The following PEMT variants were observed in gnomAD, a reference collection of about 807,000 sequenced individuals.
PEMT encodes the protein phospholipid methyltransferase.
Under a neutral mutation model 27.4 loss-of-function variants are expected in PEMT, and 23 were observed. The observed-to-expected ratio is 0.84, with a 90% CI of 0.60 to 1.19. PEMT has a LOEUF of 1.19. Among genes scored for constraint, PEMT ranks in the 50% most tolerant of loss-of-function variants. The pLI, the probability that PEMT is intolerant of heterozygous loss-of-function variation, is 0.00. For synonymous variants in PEMT, 137 were observed against 139.1 expected (o/e 0.98, Z 0.11); for missense variants, 307 against 310.1 (o/e 0.99, Z 0.07).
At chr17:17,591,720 G>T (rs1019247849), upstream of PEMT, 53 of 1,495,448 alleles carry the variant, frequency 3.5e-5, no homozygotes, top group Admixed American at 4.8e-5. Flanking sequence ...CCGCCAGTCG[G>T]GGCGCTTTCC....
intron 6 of PEMT, 70 bp downstream of exon 6, chr17:17,506,157 G>A: frequency 7.7e-7 from 1 of 1,297,814 alleles, no homozygotes; most frequent in African/African-American, 1.5e-5. Flanking sequence ...TGGCCACAAG[G>A]AAAGGTTCTA....
At chr17:17,573,925 G>T (rs1379460506) in intron 2 of PEMT, among the ~76,000 whole-genome samples, 1 of 152,058 alleles carries the variant, frequency 6.6e-6, no homozygotes, top group African/African-American at 2.4e-5. Context: ...GGGACTACAG[G>T]TGCACACCAC....
intron 2 of PEMT, among the ~76,000 whole-genome samples, chr17:17,563,020 A>AGT (rs1910598872): frequency 6.6e-6 from 1 of 152,102 alleles, no homozygotes; most frequent in Non-Finnish European, 1.5e-5. Context: ...GGAGGCCTCA[A>AGT]GTGGCTGCTG....
intron 2 of PEMT, among the ~76,000 whole-genome samples, chr17:17,538,965 A>G (rs929978043): frequency 1.3e-5 from 2 of 152,226 alleles, no homozygotes; most frequent in African/African-American, 4.8e-5. Context: ...CACCATCATC[A>G]ACGCCCATGT....
At chr17:17,580,408 C>T (rs960657624) in intron 1 of PEMT, among the ~76,000 whole-genome samples, 1 of 151,916 alleles carries the variant, frequency 6.6e-6, no homozygotes, top group Non-Finnish European at 1.5e-5. Context: ...ACCTGGGAGG[C>T]GGAGGTTGCA....
intron 1 of PEMT, among the ~76,000 whole-genome samples, chr17:17,587,110 C>A (rs1165016892): frequency 1.3e-5 from 2 of 151,316 alleles, no homozygotes; most frequent in African/African-American, 2.4e-5. Context: ...AACAGGAAAA[C>A]AATAGAGAAA....
At chr17:17,524,631 A>T (rs1907540728) in intron 2 of PEMT, among the ~76,000 whole-genome samples, 1 of 151,740 alleles carries the variant, frequency 6.6e-6, no homozygotes, top group South Asian at 2.1e-4. Flanking sequence ...AAAAAAATTA[A>T]GTTAGCCAGA....
At chr17:17,546,818 C>T (rs1178064761) in intron 2 of PEMT, among the ~76,000 whole-genome samples, 2 of 152,268 alleles carry the variant, frequency 1.3e-5, no homozygotes, top group African/African-American at 4.8e-5. Flanking sequence ...GTTTAGATGA[C>T]AACCAAGGCT....
chr17:17,545,554 A>G (rs1909198752), intron 2 of PEMT, among the ~76,000 whole-genome samples: 1 of 152,220 alleles, frequency 6.6e-6, no homozygotes, highest in Non-Finnish European at 1.5e-5. Context: ...CTTGTCCTGC[A>G]TGCTGAGTCT....
chr17:17,548,857 T>C (rs1450170782), intron 2 of PEMT, among the ~76,000 whole-genome samples: 1 of 152,126 alleles, frequency 6.6e-6, no homozygotes, highest in East Asian at 1.9e-4. Flanking sequence ...GTACAGGTCT[T>C]GAAGGACAGG....
At chr17:17,519,370 C>CAAAA (rs1393169359) in intron 3 of PEMT, among the ~76,000 whole-genome samples, 1 of 152,202 alleles carries the variant, frequency 6.6e-6, no homozygotes, top group East Asian at 1.9e-4. Context: ...CCAGTTCAAC[C>CAAAA]AAAAGTCATG....
rs530863699 is a variant in PEMT, at chr17:17,523,526, C to T, written c.205-1131G>A. On this transcript the variant is annotated intron_variant, in intron 2 of 6. Transcript: ENST00000255389. This position sits in a 1 kb window ranked among gnomAD's most constrained non-coding sequence, Gnocchi z 4.8. Reference sequence around the variant, plus strand: ...GGGGGGCAGGGTATGCCAAAGTTTACAGGAAGGAGAAGTGAAGGAGGTAGC... The same window carrying T: ...GGGGGGCAGGGTATGCCAAAGTTTATAGGAAGGAGAAGTGAAGGAGGTAGC... 6.6e-6 allele frequency among the ~76,000 whole-genome samples: 1 copy of T among 152,126 alleles called. No homozygotes were observed. The highest frequency in any genetic ancestry group is 1.5e-5 in the Non-Finnish European group (1 of 68,012).
At chr17:17,562,665 C>G (rs989042863) in intron 2 of PEMT, among the ~76,000 whole-genome samples, 2 of 152,154 alleles carry the variant, frequency 1.3e-5, no homozygotes, top group African/African-American at 4.8e-5. Flanking sequence ...AAAAATTAGC[C>G]GGGCATGGTG....
At chr17:17,538,287 G>A (rs1196842250) in intron 2 of PEMT, among the ~76,000 whole-genome samples, 1 of 152,230 alleles carries the variant, frequency 6.6e-6, no homozygotes, top group Non-Finnish European at 1.5e-5. Context: ...CTCAGGCCAG[G>A]ACAGAGGCAG....
intron 2 of PEMT, among the ~76,000 whole-genome samples, chr17:17,550,656 T>C (rs951288667): frequency 4.6e-5 from 7 of 152,248 alleles, no homozygotes; most frequent in Admixed American, 3.9e-4. Flanking sequence ...ATTACTTGTA[T>C]TCATTCATTT....
chr17:17,526,100 G>A (rs1907641240), intron 2 of PEMT, among the ~76,000 whole-genome samples: 1 of 152,090 alleles, frequency 6.6e-6, no homozygotes, highest in Admixed American at 6.6e-5. Context: ...TAATGCAACC[G>A]GGCCCTGGGT....
chr17:17,525,981 G>A (rs1179759038), intron 2 of PEMT, among the ~76,000 whole-genome samples: 1 of 141,694 alleles, frequency 7.1e-6, no homozygotes, highest in South Asian at 2.2e-4. Context: ...GTGACAGAGC[G>A]AAACTCTGTA....
At chr17:17,570,145 G>A (rs1263774691) in intron 2 of PEMT, among the ~76,000 whole-genome samples, 1 of 152,222 alleles carries the variant, frequency 6.6e-6, no homozygotes, top group African/African-American at 2.4e-5. Context: ...GCTGGGCACA[G>A]GCACTGAGCT....
intron 5 of PEMT, chr17:17,508,954 C>T (rs1369382266): frequency 2.3e-5 from 7 of 298,450 alleles, no homozygotes; most frequent in Middle Eastern, 8.7e-4. Context: ...CTGATGTCCC[C>T]GCACAAGGGT....
Sources: gnomAD v4.1 joint callset for allele counts (sites outside exome capture counted in the v4.1 genomes callset) on GRCh38, gnomAD v4.1.1 for gene constraint, Gnocchi (gnomAD v3.1) non-coding constraint, MANE v1.5 for transcripts, NCBI Gene and HGNC (gene_info 2026-07-23, HGNC 2026-07-21) for gene names.